The following RGS17 variants were observed in gnomAD, a reference collection of about 807,000 sequenced individuals.
The protein encoded by RGS17 is regulator of G protein signaling 17.
In RGS17, 12 loss-of-function variants were observed where a neutral mutation model predicts 25.5. The ratio of observed to expected loss-of-function variants is 0.47; its 90% confidence interval spans 0.30 to 0.76. The LOEUF (loss-of-function observed/expected upper bound fraction) is 0.76. Ranked by LOEUF, RGS17 falls within the 30% of genes least tolerant of loss-of-function variation. The pLI is 0.07. For synonymous variants in RGS17, 71 were observed against 76.9 expected (o/e 0.92, Z 0.40); for missense variants, 196 against 242.2 (o/e 0.81, Z 1.27).
intron 1 of RGS17, among the ~76,000 whole-genome samples, chr6:153,048,882 G>GGAGCCAATAAATTTCAT (rs1168997067): frequency 6.6e-6 from 1 of 152,094 alleles, no homozygotes; most frequent in Non-Finnish European, 1.5e-5. Flanking sequence ...GTCTAACCAA[G>GGAGCCAATAAATTTCAT]GAGCCAATAA....
intron 1 of RGS17, among the ~76,000 whole-genome samples, chr6:153,117,425 G>A (rs1339597090): frequency 6.6e-6 from 1 of 152,034 alleles, no homozygotes; most frequent in African/African-American, 2.4e-5. Flanking sequence ...ATTTGGGTGG[G>A]GACACAAAGC....
chr6:153,063,572 G>A (rs1212817567), intron 1 of RGS17, among the ~76,000 whole-genome samples: 4 of 152,082 alleles, frequency 2.6e-5, no homozygotes, highest in African/African-American at 7.2e-5. Context: ...AAACAATGAA[G>A]CATGCCTACA....
At chr6:153,083,258 A>G (rs1465620338) in intron 1 of RGS17, among the ~76,000 whole-genome samples, 2 of 152,196 alleles carry the variant, frequency 1.3e-5, no homozygotes, top group African/African-American at 4.8e-5. Flanking sequence ...ATGGTGAGAA[A>G]ACATTTGTGT....
At chr6:153,084,186 C>T (rs912443603) in intron 1 of RGS17, among the ~76,000 whole-genome samples, 13 of 152,136 alleles carry the variant, frequency 8.5e-5, no homozygotes, top group Non-Finnish European at 1.8e-4. Context: ...ACCATCCAGC[C>T]TGGAGCTTTA....
chr6:153,064,165 C>T (rs1447063283), intron 1 of RGS17, among the ~76,000 whole-genome samples: 1 of 152,102 alleles, frequency 6.6e-6, no homozygotes, highest in African/African-American at 2.4e-5. Flanking sequence ...ACAAAACTCA[C>T]TGAAAGTACA....
chr6:153,070,749 A>G (rs1776781116), intron 1 of RGS17, among the ~76,000 whole-genome samples: 2 of 151,186 alleles, frequency 1.3e-5, no homozygotes, highest in African/African-American at 2.4e-5. Flanking sequence ...ACATAGACGT[A>G]TATGTGTGTA....
intron 1 of RGS17, among the ~76,000 whole-genome samples, chr6:153,070,891 A>C (rs890793097): frequency 1.3e-5 from 2 of 150,352 alleles, no homozygotes; most frequent in Non-Finnish European, 1.5e-5. Flanking sequence ...ACGCATATGT[A>C]CATATGCGTA....
At chr6:153,035,947 T>C (rs949267070) in intron 2 of RGS17, among the ~76,000 whole-genome samples, 1 of 152,198 alleles carries the variant, frequency 6.6e-6, no homozygotes, top group African/African-American at 2.4e-5. Flanking sequence ...GCTGGTCAAA[T>C]CACAAAATGT....
At chr6:153,064,145 A>C (rs1776675418) in intron 1 of RGS17, among the ~76,000 whole-genome samples, 2 of 152,196 alleles carry the variant, frequency 1.3e-5, no homozygotes, top group Admixed American at 6.5e-5. Context: ...ATAAGTAATC[A>C]CCTGAAGGTA....
chr6:153,060,400 C>T (rs1002825112), intron 1 of RGS17, among the ~76,000 whole-genome samples: 1 of 152,146 alleles, frequency 6.6e-6, no homozygotes, highest in Non-Finnish European at 1.5e-5. Context: ...GGCACTTCCC[C>T]CAGAAAATCT....
At position 153,116,374 on chromosome 6, in the gene RGS17, T is replaced by TA. The variant is rs572478498; in HGVS notation, c.-26+14749dup. Among the ~76,000 whole-genome samples, 21 of 152,332 alleles carry TA rather than the reference T, an allele frequency of 1.4e-4. No homozygotes were observed. The East Asian group carries it at 4.1e-3, about 29-fold the overall frequency. ...AATGCAAATCAAAACCACAAGGAGA[T>TA]ACCATTTCACGCCAGTTAGAATGGT... On this transcript the variant is annotated intron_variant, in intron 1 of 4. Transcript: ENST00000206262.
rs1776503142 is a variant in RGS17, at chr6:153,053,974, T to TACGAC, written c.-25-9932_-25-9931insGTCGT. On this transcript the variant is annotated intron_variant, in intron 1 of 4. Transcript: ENST00000206262. ...TATACATATATATTATATACATATA[T>TACGAC]ATGTATATATGTATATAATATATAT... is the stretch of plus-strand genomic sequence containing the variant. Among the ~76,000 whole-genome samples, 4 of 42,142 alleles carry TACGAC rather than the reference T, an allele frequency of 9.5e-5. No homozygotes were observed. The Admixed American group carries it at 1.1e-3, about 11-fold the overall frequency. 27.6% of individuals were successfully genotyped at this position (42,142 alleles called of 152,430 possible).
chr6:153,109,682 A>C (rs527989437), intron 1 of RGS17, among the ~76,000 whole-genome samples: 1 of 152,368 alleles, frequency 6.6e-6, no homozygotes, highest in African/African-American at 2.4e-5. Context: ...TTTGTCTCAC[A>C]ACATCTTTCT....
chr6:153,053,492 T>A (rs1473365436), intron 1 of RGS17, among the ~76,000 whole-genome samples: 1 of 152,094 alleles, frequency 6.6e-6, no homozygotes, highest in African/African-American at 2.4e-5. Context: ...AGCAAAATAT[T>A]TACAGTTACA....
chr6:153,039,394 C>T (rs1776292758), intron 2 of RGS17, among the ~76,000 whole-genome samples: 1 of 152,108 alleles, frequency 6.6e-6, no homozygotes, highest in African/African-American at 2.4e-5. Context: ...TTGGAAACTG[C>T]AAGCTGGAGC....
intron 1 of RGS17, among the ~76,000 whole-genome samples, chr6:153,071,072 CGT>C (rs1776794827): frequency 6.8e-6 from 1 of 148,022 alleles, no homozygotes; most frequent in Non-Finnish European, 1.5e-5. Context: ...TGTACATATA[CGT>C]ATATGTACAC....
At chr6:153,092,930 C>T (rs1777154225) in intron 1 of RGS17, among the ~76,000 whole-genome samples, 1 of 152,142 alleles carries the variant, frequency 6.6e-6, no homozygotes, top group Admixed American at 6.5e-5. Flanking sequence ...TGACTAACTC[C>T]TGACACTACC....
rs1779068072 is a variant in RGS17, at chr6:153,005,665, A to G, written c.*5909T>C. On this transcript the variant is annotated 3_prime_UTR_variant, in exon 5 of 5. Coordinates refer to ENST00000206262, the MANE Select transcript of RGS17 (RefSeq NM_012419.5). ...AACCAAAAACCTGTGTCTAGTCACGAGAAAAACATCAGACGAATCCCCATA... is the reference window on the plus strand; with the variant it reads ...AACCAAAAACCTGTGTCTAGTCACGGGAAAAACATCAGACGAATCCCCATA... 1.3e-5 allele frequency: 2 copies of G among 152,216 alleles called. No homozygotes were observed. Among genetic ancestry groups the G allele is most frequent in the Admixed American group, 1.3e-4 (2 of 15,286 alleles). The allele number at this position is 152,216 out of a possible 1,614,324, so 9.4% of individuals were successfully genotyped here.
chr6:153,079,373 T>C (rs540681112), intron 1 of RGS17, among the ~76,000 whole-genome samples: 1 of 152,288 alleles, frequency 6.6e-6, no homozygotes, highest in East Asian at 1.9e-4. Context: ...CCGCAGCGCC[T>C]GGCCAACATT....
Sources: gnomAD v4.1 joint callset for allele counts (sites outside exome capture counted in the v4.1 genomes callset) on GRCh38, gnomAD v4.1.1 for gene constraint, MANE v1.5 for transcripts, NCBI Gene and HGNC (gene_info 2026-07-23, HGNC 2026-07-21) for gene names.